ZNF521: variants seen among roughly 807,000 people sequenced by gnomAD.
ZNF521 encodes LYST-interacting protein 3.
Under a neutral mutation model 105.5 loss-of-function variants are expected in ZNF521, and 14 were observed. The ratio of observed to expected loss-of-function variants is 0.13; its 90% confidence interval spans 0.09 to 0.21. The LOEUF is 0.21. Among genes scored for constraint, ZNF521 ranks in the 10% least tolerant of loss-of-function variants. The pLI, the probability that ZNF521 is intolerant of heterozygous loss-of-function variation, is 1.00. For missense variants in ZNF521, 1,233 were observed against 1,629.7 expected (o/e 0.76, Z 4.19); for synonymous variants, 635 against 606.0 (o/e 1.05, Z -0.70).
At chr18:25,205,546 G>A (rs544891871) in intron 4 of ZNF521, among the ~76,000 whole-genome samples, 8 of 152,056 alleles carry the variant, frequency 5.3e-5, no homozygotes, top group Non-Finnish European at 8.8e-5. Context: ...AAGGAGCTAC[G>A]GCTGGTAGAT....
At chr18:25,129,132 C>T (rs1407988732) in intron 5 of ZNF521, among the ~76,000 whole-genome samples, 1 of 151,436 alleles carries the variant, frequency 6.6e-6, no homozygotes, top group Non-Finnish European at 1.5e-5. Flanking sequence ...ATAGAGAGCC[C>T]CGAATTGATT....
intron 4 of ZNF521, among the ~76,000 whole-genome samples, chr18:25,203,780 G>C (rs1471841172): frequency 6.6e-6 from 1 of 152,186 alleles, no homozygotes; most frequent in Non-Finnish European, 1.5e-5. Context: ...TGACTGAGTT[G>C]CAATTTTTAT....
At chr18:25,290,737 A>G (rs1213407750) in intron 3 of ZNF521, among the ~76,000 whole-genome samples, 1 of 150,576 alleles carries the variant, frequency 6.6e-6, no homozygotes, top group Non-Finnish European at 1.5e-5. Context: ...CAGCCTCCTG[A>G]GTAGCTGGGA....
intron 3 of ZNF521, among the ~76,000 whole-genome samples, chr18:25,303,259 C>G (rs1392088132): frequency 1.4e-5 from 2 of 146,942 alleles, no homozygotes; most frequent in African/African-American, 5.1e-5. Context: ...AAAAGAAACT[C>G]TTTCTTTCTT....
At chr18:25,083,137 A>G in intron 7 of ZNF521, among the ~76,000 whole-genome samples, 1 of 152,220 alleles carries the variant, frequency 6.6e-6, no homozygotes, top group South Asian at 2.1e-4. Flanking sequence ...AATTGGATGA[A>G]AGACAGGGGA....
At chr18:25,327,462 CAG>C in intron 2 of ZNF521, 1 of 1,167,800 alleles carries the variant, frequency 8.6e-7, no homozygotes, top group East Asian at 5.9e-5. Flanking sequence ...AAAAGAAAAT[CAG>C]AGAGTATCTG....
intron 3 of ZNF521, among the ~76,000 whole-genome samples, chr18:25,311,518 T>C (rs1177296301): frequency 6.6e-6 from 1 of 152,080 alleles, no homozygotes; most frequent in Non-Finnish European, 1.5e-5. Context: ...GCTTACAAGA[T>C]AGACCAAATG....
intron 5 of ZNF521, among the ~76,000 whole-genome samples, chr18:25,168,425 C>A (rs1462815466): frequency 6.6e-6 from 1 of 152,116 alleles, no homozygotes; most frequent in Non-Finnish European, 1.5e-5. Context: ...TCCTCTACTG[C>A]TAGATAATCA....
At chr18:25,288,037 G>A (rs1910800549) in intron 3 of ZNF521, among the ~76,000 whole-genome samples, 1 of 151,804 alleles carries the variant, frequency 6.6e-6, no homozygotes, top group Non-Finnish European at 1.5e-5. Context: ...TACTGAAAAT[G>A]CCCCCCCAAT....
chr18:25,196,695 T>C (rs969668355), intron 4 of ZNF521, among the ~76,000 whole-genome samples: 3 of 151,752 alleles, frequency 2.0e-5, no homozygotes, highest in Non-Finnish European at 3.0e-5. Context: ...GAAGATTGAC[T>C]ACACCGAGCT....
chr18:25,208,186 T>C (rs1027443992), intron 4 of ZNF521, among the ~76,000 whole-genome samples: 2 of 152,200 alleles, frequency 1.3e-5, no homozygotes, highest in African/African-American at 4.8e-5. Context: ...TTAATATACA[T>C]AGGAATCACT....
At chr18:25,066,005 G>A (rs1254131992) in intron 7 of ZNF521, among the ~76,000 whole-genome samples, 1 of 152,184 alleles carries the variant, frequency 6.6e-6, no homozygotes, top group Non-Finnish European at 1.5e-5. Flanking sequence ...GCAAGGGTAT[G>A]GCTTGTGAAA....
At chr18:25,079,803 A>G (rs982689189) in intron 7 of ZNF521, among the ~76,000 whole-genome samples, 1 of 152,300 alleles carries the variant, frequency 6.6e-6, no homozygotes, top group African/African-American at 2.4e-5. Flanking sequence ...CCTGTCTCAC[A>G]GCAAATATAC....
intron 5 of ZNF521, among the ~76,000 whole-genome samples, chr18:25,191,356 T>TAC (rs2035815107): frequency 6.6e-6 from 1 of 152,118 alleles, no homozygotes; most frequent in Non-Finnish European, 1.5e-5. Flanking sequence ...TCCATAACTA[T>TAC]AGTAATCAAT....
intron 7 of ZNF521, among the ~76,000 whole-genome samples, chr18:25,063,853 G>T (rs1021922141): frequency 6.6e-6 from 1 of 152,016 alleles, no homozygotes; most frequent in Non-Finnish European, 1.5e-5. Flanking sequence ...CAACCTTGGG[G>T]CCCAGCTCAA....
At chr18:25,218,088 C>G (rs1007893197) in intron 4 of ZNF521, among the ~76,000 whole-genome samples, 7 of 151,986 alleles carry the variant, frequency 4.6e-5, no homozygotes, top group Non-Finnish European at 7.4e-5. Context: ...AAGGGAAAGC[C>G]GAAACCTGAA....
At position 25,227,324 on chromosome 18, in the gene ZNF521, G is replaced by A. The variant is rs150773522; in HGVS notation, c.594C>T (p.Ser198=). The A allele has an allele frequency of 1.5e-3, 2,438 of 1,614,114 alleles. 5 individuals are homozygous for A. Among genetic ancestry groups the A allele is most frequent in the Non-Finnish European group, 1.6e-3 (1,906 of 1,180,002 alleles). The change falls in exon 4 of 8, where the codon TCC becomes TCT. Residue 198 remains serine (S), a synonymous_variant. Transcript: ENST00000361524. This position sits in a 1 kb window ranked among gnomAD's most constrained non-coding sequence, Gnocchi z 5.7. The part of the protein sequence containing the change: ...HLKIHLKTHT[S]NKPYKCAICR... The stretch of plus-strand genomic sequence containing the variant: ...AAATGGCACATTTATATGGCTTGTT[G>A]GACGTGTGAGTCTTTAAGTGGATCT...
At chr18:25,214,099 T>TA (rs2036239534) in intron 4 of ZNF521, among the ~76,000 whole-genome samples, 1 of 152,098 alleles carries the variant, frequency 6.6e-6, no homozygotes, top group African/African-American at 2.4e-5. Flanking sequence ...AGCATCCAGG[T>TA]AACGCCTTGC....
chr18:25,217,328 TG>T (rs1157427233), intron 4 of ZNF521, among the ~76,000 whole-genome samples: 20 of 152,162 alleles, frequency 1.3e-4, no homozygotes, highest in African/African-American at 4.8e-4. Flanking sequence ...TATACAGAAG[TG>T]GATGAGATAT....
Sources: gnomAD v4.1 joint callset for allele counts (sites outside exome capture counted in the v4.1 genomes callset) on GRCh38, gnomAD v4.1.1 for gene constraint, Gnocchi (gnomAD v3.1) non-coding constraint, MANE v1.5 for transcripts, NCBI Gene and HGNC (gene_info 2026-07-23, HGNC 2026-07-21) for gene names.